The following CIT variants were observed in gnomAD, a reference collection of about 807,000 sequenced individuals.
CIT encodes the protein citron rho-interacting serine/threonine kinase, also known as citron Rho-interacting kinase.
CIT carries 79 observed loss-of-function variants against 272.7 expected under a neutral mutation model. That is an observed-to-expected ratio of 0.29 (90% confidence interval 0.24 to 0.35). The LOEUF is 0.35. CIT is among the 10% of genes least tolerant of loss of function. The pLI is 1.00. For missense variants in CIT, 1,909 were observed against 2,618.3 expected (o/e 0.73, Z 5.91); for synonymous variants, 948 against 995.6 (o/e 0.95, Z 0.90).
rs537033884 is a variant in CIT, at chr12:119,851,897, G to A, written c.415-1622C>T. Among the ~76,000 whole-genome samples, 5 of 152,222 alleles carry A rather than the reference G, an allele frequency of 3.3e-5. 1 individual carries two copies. Among genetic ancestry groups the A allele is most frequent in the African/African-American group, 1.2e-4 (5 of 41,562 alleles). On this transcript the variant is annotated intron_variant, in intron 4 of 47. Coordinates refer to ENST00000392521, the MANE Select transcript of CIT (RefSeq NM_001206999.2). ...ACAATACAAAAAGTAGCTGGGTGTGGTGGTGTTCGCTTACAGTCCCAGTTA... is the reference window on the plus strand; with the variant it reads ...ACAATACAAAAAGTAGCTGGGTGTGATGGTGTTCGCTTACAGTCCCAGTTA...
chr12:119,780,163 C>T (rs552343623), intron 13 of CIT, among the ~76,000 whole-genome samples: 2 of 152,326 alleles, frequency 1.3e-5, no homozygotes, highest in East Asian at 1.9e-4. Flanking sequence ...GTTACCCACA[C>T]TTTTGTCTCC....
chr12:119,869,028 A>C (rs914460034), intron 3 of CIT, 32 bp downstream of exon 3: 1 of 1,607,920 alleles, frequency 6.2e-7, no homozygotes, highest in African/African-American at 1.3e-5. Context: ...CTCTCTCAGG[A>C]CAGTTTTCAA....
chr12:119,800,774 C>G (rs749835244), intron 10 of CIT, among the ~76,000 whole-genome samples: 8 of 152,214 alleles, frequency 5.3e-5, no homozygotes, highest in Non-Finnish European at 8.8e-5. Flanking sequence ...ATGTCTCCCC[C>G]TCTCTCCAAG....
At chr12:119,793,650 G>A (rs1231123285) in intron 10 of CIT, among the ~76,000 whole-genome samples, 1 of 152,178 alleles carries the variant, frequency 6.6e-6, no homozygotes, top group African/African-American at 2.4e-5. Context: ...ATAGGTTAGT[G>A]GCAGCCTCAG....
intron 21 of CIT, among the ~76,000 whole-genome samples, chr12:119,758,115 G>T (rs566378473): frequency 7.9e-5 from 12 of 152,172 alleles, no homozygotes; most frequent in Admixed American, 7.8e-4. Flanking sequence ...GAAACCTAAG[G>T]GGGAAAAAAA....
intron 20 of CIT, 113 bp downstream of exon 20, chr12:119,760,826 A>G: frequency 2.6e-6 from 2 of 754,986 alleles, no homozygotes; most frequent in Non-Finnish European, 2.3e-6. Context: ...ACAACTCCAC[A>G]GGATTCAACA....
intron 14 of CIT, 78 bp from the exon 15 acceptor site, chr12:119,776,486 G>A: frequency 7.8e-7 from 1 of 1,285,172 alleles, no homozygotes; most frequent in Non-Finnish European, 1.1e-6. Flanking sequence ...CTTGGTCTCT[G>A]TGACCAAGAT....
chr12:119,876,388 C>T (rs563914416), intron 1 of CIT, among the ~76,000 whole-genome samples: 1 of 152,132 alleles, frequency 6.6e-6, no homozygotes, highest in Admixed American at 6.5e-5. Flanking sequence ...GACATACTCT[C>T]TTACTTATAA....
rs918646966 is a variant in CIT, at chr12:119,721,202, A to G, written c.3732+107T>C. ...GGCTGGTCTCGAACTCCTGACCTCA[A>G]GTAATCTGCCCTCCTCAGCCTCCCG... is the stretch of plus-strand genomic sequence containing the variant. On this transcript the variant is annotated intron_variant, in intron 29 of 47. Transcript: ENST00000392521. 4.3e-5 allele frequency: 41 copies of G among 964,692 alleles called. No individual in the cohort carries two copies. The East Asian group carries it at 7.1e-4, about 17-fold the overall frequency. 59.8% of individuals were successfully genotyped at this position (964,692 alleles called of 1,614,324 possible).
chr12:119,869,031 G>A, intron 3 of CIT, 29 bp downstream of exon 3: 1 of 1,608,954 alleles, frequency 6.2e-7, no homozygotes, highest in African/African-American at 1.3e-5. Flanking sequence ...TCTCAGGACA[G>A]TTTTCAAGAA....
At chr12:119,761,094 CA>C in intron 19 of CIT, 39 bp from the exon 20 acceptor site, 1 of 1,419,332 alleles carries the variant, frequency 7.0e-7, no homozygotes, top group Non-Finnish European at 1.0e-6. Flanking sequence ...TCTCAGGAGC[CA>C]AGCTGAGGAG....
chr12:119,862,924 G>A (rs56082213), intron 3 of CIT, among the ~76,000 whole-genome samples: 52,403 of 144,712 alleles, frequency 0.36, 11,666 homozygotes, highest in Middle Eastern at 0.52. Context: ...ACATTGGGCC[G>A]GGTGCAGTGA....
Position 119,710,663 on chromosome 12 carries a change from G to A in CIT, c.4855-43C>T. On this transcript the variant is annotated intron_variant, in intron 37 of 47. Coordinates refer to ENST00000392521, the MANE Select transcript of CIT (RefSeq NM_001206999.2). This position sits in a 1 kb window ranked among gnomAD's most constrained non-coding sequence, Gnocchi z 5.6. ...AAAAGAAAAACAGAAGACATCGTGAGGCTGATCTGTTTATGACCAAACCAT... is the reference window on the plus strand; with the variant it reads ...AAAAGAAAAACAGAAGACATCGTGAAGCTGATCTGTTTATGACCAAACCAT... The A allele has an allele frequency of 3.2e-6, 5 of 1,563,546 alleles. No individual in the cohort carries two copies. Among genetic ancestry groups the A allele is most frequent in the African/African-American group, 2.7e-5 (2 of 74,016 alleles).
At position 119,713,684 on chromosome 12, in the gene CIT, C is replaced by A; in HGVS notation, c.4307-36G>T. 6.2e-7 allele frequency: 1 copy of A among 1,609,338 alleles called. No individual in the cohort carries two copies. The highest frequency in any genetic ancestry group is 1.1e-5 in the South Asian group (1 of 90,888). Reference sequence around the variant, plus strand: ...ACAGTGAGCAACCTGAGGGCATGCTCAGCTGACCCTGGACCCTTCCCTTCC... The same window carrying A: ...ACAGTGAGCAACCTGAGGGCATGCTAAGCTGACCCTGGACCCTTCCCTTCC... On this transcript the variant is annotated intron_variant, in intron 33 of 47. Transcript: ENST00000392521. The surrounding 1 kb of genome is among the most constrained non-coding windows in gnomAD (Gnocchi z 5.2).
At chr12:119,860,361 A>G (rs1950301501) in intron 3 of CIT, among the ~76,000 whole-genome samples, 1 of 152,346 alleles carries the variant, frequency 6.6e-6, no homozygotes. Flanking sequence ...TAGGGCACCT[A>G]CATGGGGAAT....
chr12:119,712,071 G>C lies in CIT; in HGVS notation c.4854+107C>G. 4.6e-6 allele frequency: 5 copies of C among 1,096,616 alleles called. No individual in the cohort carries two copies. The South Asian group carries it at 4.6e-5, about 10-fold the overall frequency. 67.9% of individuals were successfully genotyped at this position (1,096,616 alleles called of 1,614,324 possible). ...CTAGAGCCATCAGCCCTCAGAGAGA[G>C]AGCCTGAGGGGAATCAAAATGGCCA... On this transcript the variant is annotated intron_variant, in intron 37 of 47. Transcript: ENST00000392521. This position sits in a 1 kb window ranked among gnomAD's most constrained non-coding sequence, Gnocchi z 5.2.
At chr12:119,705,359 C>A (rs1302936701) in intron 40 of CIT, among the ~76,000 whole-genome samples, 1 of 152,136 alleles carries the variant, frequency 6.6e-6, no homozygotes, top group South Asian at 2.1e-4. Flanking sequence ...TTATCATTCA[C>A]CAAATGAGGC....
chr12:119,733,714 A>G (rs115792282), intron 26 of CIT, among the ~76,000 whole-genome samples: 1,621 of 152,136 alleles, frequency 0.011, 34 homozygotes, highest in African/African-American at 0.036. Flanking sequence ...GTCCCGTCCT[A>G]CAATGCACAG....
chr12:119,783,717 T>A, intron 12 of CIT, 191 bp downstream of exon 12: 1 of 587,698 alleles, frequency 1.7e-6, no homozygotes, highest in Non-Finnish European at 2.8e-6. Context: ...ATGAGTCCAA[T>A]CTCATTTCTT....
Sources: allele counts gnomAD v4.1 joint callset (sites outside exome capture counted in the v4.1 genomes callset), GRCh38; gene constraint gnomAD v4.1.1; non-coding constraint Gnocchi (gnomAD v3.1); transcripts MANE v1.5; gene names NCBI Gene and HGNC (gene_info 2026-07-23, HGNC 2026-07-21).